ZSWIM5: variants seen among roughly 807,000 people sequenced by gnomAD.
The protein encoded by ZSWIM5 is zinc finger SWIM-type containing 5.
Under a neutral mutation model 119.6 loss-of-function variants are expected in ZSWIM5, and 55 were observed. That is an observed-to-expected ratio of 0.46 (90% confidence interval 0.37 to 0.58). The LOEUF (loss-of-function observed/expected upper bound fraction) is 0.58, where lower values mean the gene tolerates loss of function less well. ZSWIM5 is among the 20% of genes least tolerant of loss of function. The pLI is 0.00. For missense variants in ZSWIM5, 1,193 were observed against 1,512.8 expected (o/e 0.79, Z 3.51); for synonymous variants, 537 against 606.9 (o/e 0.88, Z 1.69).
At chr1:45,175,180 T>A (rs1645972361) in intron 1 of ZSWIM5, among the ~76,000 whole-genome samples, 1 of 152,160 alleles carries the variant, frequency 6.6e-6, no homozygotes, top group Admixed American at 6.6e-5. Flanking sequence ...CAGTAGTGCC[T>A]GTTATTTCAT....
At chr1:45,156,721 TAAA>T (rs763479350) in intron 1 of ZSWIM5, among the ~76,000 whole-genome samples, 32 of 124,544 alleles carry the variant, frequency 2.6e-4, no homozygotes, top group Admixed American at 4.1e-4. Flanking sequence ...TGTGGGAAGT[TAAA>T]AAAAAAAAAA....
chr1:45,135,301 G>T (rs769708358), intron 1 of ZSWIM5, among the ~76,000 whole-genome samples: 8 of 152,116 alleles, frequency 5.3e-5, no homozygotes, highest in Non-Finnish European at 1.2e-4. Flanking sequence ...TGTTTAATGG[G>T]TATGGAGTTT....
At chr1:45,071,993 A>C (rs1484718806) in intron 2 of ZSWIM5, among the ~76,000 whole-genome samples, 1 of 152,176 alleles carries the variant, frequency 6.6e-6, no homozygotes, top group Non-Finnish European at 1.5e-5. Flanking sequence ...TTTTTGAGGA[A>C]CTTTCAAACT....
intron 1 of ZSWIM5, among the ~76,000 whole-genome samples, chr1:45,180,714 T>C (rs779775960): frequency 2.6e-5 from 4 of 151,984 alleles, no homozygotes; most frequent in Admixed American, 2.6e-4. Flanking sequence ...CTCACACGGC[T>C]GGGTACTCCC....
intron 11 of ZSWIM5, among the ~76,000 whole-genome samples, chr1:45,032,596 G>A (rs1294539804): frequency 6.8e-6 from 1 of 146,540 alleles, no homozygotes; most frequent in Non-Finnish European, 1.5e-5. Context: ...AGCGATCCTC[G>A]TGCCACAGCC....
At chr1:45,162,929 T>C (rs1305203009) in intron 1 of ZSWIM5, among the ~76,000 whole-genome samples, 1 of 152,244 alleles carries the variant, frequency 6.6e-6, no homozygotes, top group East Asian at 1.9e-4. Flanking sequence ...CAGAAACTTC[T>C]GCAGACTTAA....
chr1:45,084,791 C>A lies in ZSWIM5; in HGVS notation c.952+3090G>T, dbSNP rs528391358. On this transcript the variant is annotated intron_variant, in intron 2 of 13. Coordinates refer to ENST00000359600, the MANE Select transcript of ZSWIM5 (RefSeq NM_020883.2). ...CCTAAGGCCTTGAGCAGCTCCACCCCCTGAGAGCTCAGCTCCCACAGCTGC... is the reference window on the plus strand; with the variant it reads ...CCTAAGGCCTTGAGCAGCTCCACCCACTGAGAGCTCAGCTCCCACAGCTGC... Among the ~76,000 whole-genome samples, 4 of 152,376 alleles carry A rather than the reference C, an allele frequency of 2.6e-5. No individual in the cohort carries two copies. The East Asian group carries it at 5.8e-4, about 22-fold the overall frequency.
At chr1:45,171,825 A>C (rs1286731975) in intron 1 of ZSWIM5, among the ~76,000 whole-genome samples, 1 of 152,112 alleles carries the variant, frequency 6.6e-6, no homozygotes, top group East Asian at 1.9e-4. Flanking sequence ...CCAACTTAAC[A>C]CAAGTTATTT....
At chr1:45,205,511 G>A (rs1456624753) in intron 1 of ZSWIM5, among the ~76,000 whole-genome samples, 2 of 147,494 alleles carry the variant, frequency 1.4e-5, no homozygotes, top group African/African-American at 5.4e-5. Flanking sequence ...GGAATAGAAA[G>A]AGTGAAGAAG....
intron 2 of ZSWIM5, among the ~76,000 whole-genome samples, chr1:45,077,752 G>T (rs981749367): frequency 3.3e-5 from 5 of 152,136 alleles, no homozygotes; most frequent in African/African-American, 1.2e-4. Context: ...GTACGCCCCG[G>T]GGGGGCCAGT....
chr1:45,078,681 C>CATCT (rs1645270009), intron 2 of ZSWIM5, among the ~76,000 whole-genome samples: 2 of 152,266 alleles, frequency 1.3e-5, no homozygotes, highest in African/African-American at 4.8e-5. Context: ...CCCTGGCTAC[C>CATCT]ATCTGTGTTC....
Position 45,088,862 on chromosome 1 carries a change from C to T in ZSWIM5, c.596-625G>A, listed in dbSNP as rs1487526981. Among the ~76,000 whole-genome samples, 1 of 152,148 alleles carries T rather than the reference C, an allele frequency of 6.6e-6. No homozygotes were observed. Among genetic ancestry groups the T allele is most frequent in the Non-Finnish European group, 1.5e-5 (1 of 68,016 alleles). ...GTTACACCTCTACTCACTAGGCACA[C>T]AGTAACAATAATTTTGAAATGTAGG... On this transcript the variant is annotated intron_variant, in intron 1 of 13. Coordinates refer to ENST00000359600, the MANE Select transcript of ZSWIM5 (RefSeq NM_020883.2). The surrounding 1 kb of genome is among the most constrained non-coding windows in gnomAD (Gnocchi z 4.2).
rs542058997 is a variant in ZSWIM5 at position 45,121,221 on chromosome 1, G to T, written c.596-32984C>A. 5.2e-4 allele frequency among the ~76,000 whole-genome samples: 79 copies of T among 152,298 alleles called. 1 individual carries two copies. The highest frequency in any genetic ancestry group is 9.7e-4 in the Non-Finnish European group (66 of 68,034). Reference sequence around the variant, plus strand: ...TCGTCTCAGCCTCCCAAAGTGTTCGGATTACAGGCGTGAGCCACAGCACCC... The same window carrying T: ...TCGTCTCAGCCTCCCAAAGTGTTCGTATTACAGGCGTGAGCCACAGCACCC... On this transcript the variant is annotated intron_variant, in intron 1 of 13. Transcript: ENST00000359600.
intron 1 of ZSWIM5, among the ~76,000 whole-genome samples, chr1:45,109,615 C>T (rs112951599): frequency 4.5e-4 from 68 of 152,028 alleles, no homozygotes; most frequent in Admixed American, 1.0e-3. Flanking sequence ...CATGGTGGCG[C>T]GCGCCTGTAG....
Position 45,200,745 on chromosome 1 carries a change from G to T in ZSWIM5, c.595+5011C>A, listed in dbSNP as rs1211940927. Among the ~76,000 whole-genome samples the T allele has an allele frequency of 2.6e-5, 4 of 152,236 alleles. No individual in the cohort carries two copies. In the East Asian group the frequency reaches 7.7e-4, roughly 29 times the overall value. On this transcript the variant is annotated intron_variant, in intron 1 of 13. Transcript: ENST00000359600. ...TAATCATGCAAATTGAATCAAGCAAGTCTAAATAATGCTTACCTAATAAAA... is the reference window on the plus strand; with the variant it reads ...TAATCATGCAAATTGAATCAAGCAATTCTAAATAATGCTTACCTAATAAAA...
chr1:45,202,926 ATAC>A, intron 1 of ZSWIM5, among the ~76,000 whole-genome samples: 1 of 152,158 alleles, frequency 6.6e-6, no homozygotes, highest in Middle Eastern at 3.4e-3. Flanking sequence ...CCCAAAGTTT[ATAC>A]TACTACTATA....
chr1:45,153,260 G>A (rs938831155), intron 1 of ZSWIM5, among the ~76,000 whole-genome samples: 12 of 151,834 alleles, frequency 7.9e-5, no homozygotes, highest in African/African-American at 2.7e-4. Context: ...AGTGGTTTAC[G>A]CCTGCAATCC....
chr1:45,175,614 C>T (rs1264289658), intron 1 of ZSWIM5, among the ~76,000 whole-genome samples: 1 of 151,942 alleles, frequency 6.6e-6, no homozygotes, highest in African/African-American at 2.4e-5. Flanking sequence ...CCATGCCCGG[C>T]TAATTTTTTA....
At chr1:45,174,269 G>A (rs1361270772) in intron 1 of ZSWIM5, among the ~76,000 whole-genome samples, 1 of 151,756 alleles carries the variant, frequency 6.6e-6, no homozygotes, top group Non-Finnish European at 1.5e-5. Flanking sequence ...GCGAGACCTT[G>A]TCTCAAAAAA....
Sources: allele counts gnomAD v4.1 joint callset (sites outside exome capture counted in the v4.1 genomes callset), GRCh38; gene constraint gnomAD v4.1.1; non-coding constraint Gnocchi (gnomAD v3.1); transcripts MANE v1.5; gene names NCBI Gene and HGNC (gene_info 2026-07-23, HGNC 2026-07-21).